Variants in SYNPO observed in about 807,000 individuals in gnomAD.
SYNPO encodes the protein synaptopodin.
A neutral mutation model predicts 49.5 loss-of-function variants in SYNPO; 19 were observed. The observed-to-expected ratio is 0.38, with a 90% CI of 0.27 to 0.56. The LOEUF (loss-of-function observed/expected upper bound fraction) is 0.56. Among genes scored for constraint, SYNPO ranks in the 20% least tolerant of loss-of-function variants. SYNPO has a pLI of 0.68. For synonymous variants in SYNPO, 536 were observed against 548.0 expected, an observed-to-expected ratio of 0.98 and a Z score of 0.31; for missense variants, 1,131 against 1,248.3, an observed-to-expected ratio of 0.91 and a Z score of 1.42.
At chr5:150,586,781 T>A in the SYNPO span, among the ~76,000 whole-genome samples, 2 of 152,318 alleles carry the variant, frequency 1.3e-5, no homozygotes, top group South Asian at 4.1e-4. Flanking sequence ...GAAATATTAG[T>A]AGAACAAGTT....
In SYNPO at chr5:150,658,588, T is replaced by A. The variant is rs1175115606; in HGVS notation, c.*1501T>A. 2.0e-5 allele frequency: 3 copies of A among 152,410 alleles called. No individual in the cohort carries two copies. The highest frequency in any genetic ancestry group is 6.5e-5 in the Admixed American group (1 of 15,282). The allele number at this position is 152,410 out of a possible 1,614,324, so 9.4% of individuals were successfully genotyped here. The stretch of plus-strand genomic sequence containing the variant: ...GGTAGAGCCTTCTAGAGGTTCAGAA[T>A]ATTAGCTTCAGGATCAGCTGGGGGT... On this transcript the variant is annotated 3_prime_UTR_variant, in exon 3 of 3. Coordinates refer to ENST00000307662, the MANE Select transcript of SYNPO (RefSeq NM_007286.6).
intron 2 of SYNPO, chr5:150,651,792 C>A: frequency 1.0e-6 from 1 of 1,000,396 alleles, no homozygotes. Flanking sequence ...CACATTCATA[C>A]AGTGAGGGTG....
chr5:150,613,987 A>C (rs543673024), intron 1 of SYNPO, among the ~76,000 whole-genome samples: 1 of 152,248 alleles, frequency 6.6e-6, no homozygotes, highest in East Asian at 1.9e-4. Flanking sequence ...TGTGCCTTAT[A>C]ATCATTGCAG....
chr5:150,657,533 A>G lies in SYNPO; in HGVS notation c.*446A>G, dbSNP rs149504635. ...GTGTATATGGACCCCTGGACTTGCT[A>G]CCTTCAGGGTTCCATACTCGTCCCT... On this transcript the variant is annotated 3_prime_UTR_variant, in exon 3 of 3. Transcript: ENST00000307662. 1,217 of 161,332 alleles carry G rather than the reference A, an allele frequency of 7.5e-3. 5 individuals carry two copies. The highest frequency in any genetic ancestry group is 0.012 in the Admixed American group (204 of 16,408). The allele number at this position is 161,332 out of a possible 1,614,324, so 10.0% of individuals were successfully genotyped here.
intron 2 of SYNPO, among the ~76,000 whole-genome samples, chr5:150,624,353 C>T (rs1757274509): frequency 6.6e-6 from 1 of 152,070 alleles, no homozygotes; most frequent in Non-Finnish European, 1.5e-5. Context: ...GGGACAGAAT[C>T]ACAAAGGCAG....
intron 2 of SYNPO, chr5:150,624,985 C>G (rs1437200945): frequency 7.1e-6 from 7 of 984,990 alleles, no homozygotes; most frequent in African/African-American, 3.5e-5. Flanking sequence ...CTATTCCCGG[C>G]GCCGCCCAGG....
intron 2 of SYNPO, among the ~76,000 whole-genome samples, chr5:150,621,370 G>A (rs1757167612): frequency 1.3e-5 from 2 of 152,324 alleles, no homozygotes; most frequent in South Asian, 4.1e-4. Flanking sequence ...AAGACTTCTT[G>A]GAGATGGAGG....
intron 2 of SYNPO, among the ~76,000 whole-genome samples, chr5:150,628,279 G>T (rs1020097490): frequency 6.6e-6 from 1 of 152,156 alleles, no homozygotes; most frequent in Admixed American, 6.5e-5. Context: ...AGGCAGGGTC[G>T]TATAGTACTG....
At chr5:150,592,415 T>G in the SYNPO span, among the ~76,000 whole-genome samples, 1 of 152,154 alleles carries the variant, frequency 6.6e-6, no homozygotes, top group Non-Finnish European at 1.5e-5. Flanking sequence ...AGGAACAGCT[T>G]TCTCACTGCT....
At chr5:150,643,582 T>A (rs1053187242) in intron 1 of SYNPO, among the ~76,000 whole-genome samples, 3 of 152,202 alleles carry the variant, frequency 2.0e-5, no homozygotes, top group African/African-American at 7.2e-5. Flanking sequence ...TTGCCCAGGC[T>A]GCAGTGCAGT....
At chr5:150,651,624 T>G (rs1758390651) in intron 2 of SYNPO, 7 of 1,002,512 alleles carry the variant, frequency 7.0e-6, no homozygotes, top group African/African-American at 1.7e-5. Flanking sequence ...AGGCTCAGGA[T>G]TGCCTGGGGA....
the SYNPO span, among the ~76,000 whole-genome samples, chr5:150,594,062 C>A: frequency 2.6e-5 from 4 of 152,212 alleles, no homozygotes; most frequent in East Asian, 5.8e-4. Flanking sequence ...CACGGCTGTG[C>A]TGACCCTGGC....
At chr5:150,592,895 C>T in the SYNPO span, among the ~76,000 whole-genome samples, 2 of 152,224 alleles carry the variant, frequency 1.3e-5, no homozygotes, top group African/African-American at 4.8e-5. Context: ...GCATCTGAAC[C>T]TTGTGTCCAG....
chr5:150,635,094 G>T (rs922269682), intron 2 of SYNPO, among the ~76,000 whole-genome samples: 2 of 152,242 alleles, frequency 1.3e-5, no homozygotes, highest in Non-Finnish European at 2.9e-5. Flanking sequence ...TGAAGACGGG[G>T]CAGGCTGGCA....
At chr5:150,628,779 A>G (rs541343334) in intron 2 of SYNPO, among the ~76,000 whole-genome samples, 14 of 152,304 alleles carry the variant, frequency 9.2e-5, no homozygotes, top group Admixed American at 7.8e-4. Context: ...ATGGTGGTGC[A>G]TGCCTGTAAT....
intron 2 of SYNPO, chr5:150,654,354 A>G (rs909642316): frequency 7.9e-5 from 9 of 114,042 alleles, no homozygotes; most frequent in Non-Finnish European, 1.2e-4. Context: ...TTTGAGCAGC[A>G]CACACACACA....
upstream of SYNPO, among the ~76,000 whole-genome samples, chr5:150,636,180 G>T (rs1757709918): frequency 6.6e-6 from 1 of 152,140 alleles, no homozygotes; most frequent in South Asian, 2.1e-4. Flanking sequence ...TTGAATGAAT[G>T]AATCCATGCA....
chr5:150,631,503 G>A (rs932400642), intron 2 of SYNPO, among the ~76,000 whole-genome samples: 2 of 152,210 alleles, frequency 1.3e-5, no homozygotes, highest in African/African-American at 4.8e-5. Context: ...CATGGCTGGA[G>A]CCTGGCAGGC....
intron 2 of SYNPO, among the ~76,000 whole-genome samples, chr5:150,622,716 C>A (rs1455693249): frequency 6.6e-6 from 1 of 152,204 alleles, no homozygotes; most frequent in African/African-American, 2.4e-5. Context: ...AAGGCTCCTG[C>A]TCCTCAGGCT....
Sources: gnomAD v4.1 joint callset for allele counts (sites outside exome capture counted in the v4.1 genomes callset) on GRCh38, gnomAD v4.1.1 for gene constraint, MANE v1.5 for transcripts, NCBI Gene and HGNC (gene_info 2026-07-23, HGNC 2026-07-21) for gene names.